Variants in MGMT observed in about 807,000 individuals in gnomAD.
MGMT encodes O-6-methylguanine-DNA methyltransferase.
MGMT carries 14 observed loss-of-function variants against 15.9 expected under a neutral mutation model. That is an observed-to-expected ratio of 0.88 (90% CI 0.58 to 1.37). The LOEUF is 1.37. Ranked by LOEUF, MGMT falls within the 40% of genes most tolerant of loss-of-function variation. MGMT has a pLI of 0.00. For missense variants in MGMT, 282 were observed against 268.1 expected (o/e 1.05, Z -0.36); for synonymous variants, 130 against 118.2 (o/e 1.10, Z -0.65).
intron 1 of MGMT, among the ~76,000 whole-genome samples, chr10:129,492,479 T>C (rs1314894843): frequency 6.6e-6 from 1 of 152,192 alleles, no homozygotes; most frequent in Non-Finnish European, 1.5e-5. Context: ...TGCTTTTCCT[T>C]TTAGGAGCCC....
intron 1 of MGMT, among the ~76,000 whole-genome samples, chr10:129,476,322 T>C (rs187097517): frequency 6.6e-6 from 1 of 152,328 alleles, no homozygotes; most frequent in Non-Finnish European, 1.5e-5. Flanking sequence ...GTCATGGTTC[T>C]CACTTCCTCA....
intron 1 of MGMT, among the ~76,000 whole-genome samples, chr10:129,467,666 C>A (rs1845184896): frequency 6.6e-6 from 1 of 152,240 alleles, no homozygotes; most frequent in Non-Finnish European, 1.5e-5. Flanking sequence ...CCAGAAGCCC[C>A]TGCGCGGGCC....
intron 1 of MGMT, among the ~76,000 whole-genome samples, chr10:129,500,291 T>C (rs1451298348): frequency 2.0e-5 from 3 of 152,184 alleles, no homozygotes; most frequent in Non-Finnish European, 4.4e-5. Context: ...GGGCGGGGGA[T>C]TCACACCAGC....
chr10:129,575,370 A>G (rs1026151414), intron 2 of MGMT, among the ~76,000 whole-genome samples: 23 of 152,220 alleles, frequency 1.5e-4, no homozygotes, highest in African/African-American at 5.5e-4. Flanking sequence ...AGAACTCAGG[A>G]TTAAGAATCT....
intron 2 of MGMT, among the ~76,000 whole-genome samples, chr10:129,661,795 T>C (rs560671307): frequency 6.6e-6 from 1 of 152,360 alleles, no homozygotes; most frequent in South Asian, 2.1e-4. Context: ...AAAAGGACTA[T>C]CTTGACTTAC....
intron 2 of MGMT, among the ~76,000 whole-genome samples, chr10:129,649,489 T>C (rs1589914823): frequency 6.6e-6 from 1 of 152,310 alleles, no homozygotes; most frequent in South Asian, 2.1e-4. Flanking sequence ...GTCAGTGGTA[T>C]TAGGGCGATG....
At chr10:129,667,121 C>T (rs994611726) in intron 2 of MGMT, among the ~76,000 whole-genome samples, 1 of 152,178 alleles carries the variant, frequency 6.6e-6, no homozygotes, top group Non-Finnish European at 1.5e-5. Context: ...AGAGAAGCGC[C>T]TGCAGTGAAT....
At chr10:129,695,093 A>G (rs1048667453) in intron 2 of MGMT, among the ~76,000 whole-genome samples, 11 of 152,210 alleles carry the variant, frequency 7.2e-5, no homozygotes, top group African/African-American at 2.2e-4. Context: ...TTAAAATACA[A>G]TTATATTAAC....
chr10:129,675,331 G>T (rs921553737), intron 2 of MGMT, among the ~76,000 whole-genome samples: 5 of 152,192 alleles, frequency 3.3e-5, no homozygotes, highest in Admixed American at 2.0e-4. Context: ...ATGCAGGCAG[G>T]CCAGTTACTG....
At chr10:129,476,645 C>G (rs959028533) in intron 1 of MGMT, among the ~76,000 whole-genome samples, 1 of 152,122 alleles carries the variant, frequency 6.6e-6, no homozygotes, top group African/African-American at 2.4e-5. Flanking sequence ...TAGGACCCAT[C>G]GCCAGGCTGC....
chr10:129,516,817 G>C (rs948592856), intron 1 of MGMT, among the ~76,000 whole-genome samples: 1 of 152,118 alleles, frequency 6.6e-6, no homozygotes, highest in African/African-American at 2.4e-5. Context: ...TGGAAACTCA[G>C]CCAGGTTTTT....
At chr10:129,579,415 C>T (rs1270130827) in intron 2 of MGMT, among the ~76,000 whole-genome samples, 13 of 152,226 alleles carry the variant, frequency 8.5e-5, no homozygotes, top group Non-Finnish European at 1.9e-4. Flanking sequence ...TCTGCTCATC[C>T]CCGGATCATG....
At chr10:129,612,503 A>C (rs1846972642) in intron 2 of MGMT, among the ~76,000 whole-genome samples, 2 of 152,308 alleles carry the variant, frequency 1.3e-5, no homozygotes, top group South Asian at 4.1e-4. Context: ...ATCATTACCT[A>C]GTTTTATACC....
chr10:129,602,714 A>G lies in MGMT; in HGVS notation c.125+66337A>G, dbSNP rs532638342. Reference sequence around the variant, plus strand: ...TGGGTAATACCTGAGTGCTCCCGGCATTACCTGGGGGCTGCCACCCTCCCT... The same window carrying G: ...TGGGTAATACCTGAGTGCTCCCGGCGTTACCTGGGGGCTGCCACCCTCCCT... On this transcript the variant is annotated intron_variant, in intron 2 of 4. Transcript: ENST00000651593. Among the ~76,000 whole-genome samples the G allele has an allele frequency of 2.0e-5, 3 of 152,244 alleles. No homozygotes were observed. The South Asian group carries it at 6.2e-4, about 32-fold the overall frequency.
At chr10:129,649,042 C>A (rs556857478) in intron 2 of MGMT, among the ~76,000 whole-genome samples, 1 of 152,298 alleles carries the variant, frequency 6.6e-6, no homozygotes, top group Middle Eastern at 3.4e-3. Context: ...TTTCCTGTGG[C>A]TGTGGGATTT....
intron 2 of MGMT, among the ~76,000 whole-genome samples, chr10:129,680,315 A>G (rs1847835635): frequency 6.6e-6 from 1 of 152,184 alleles, no homozygotes; most frequent in Non-Finnish European, 1.5e-5. Context: ...TTTCGCGGGC[A>G]TGATTTTGGG....
chr10:129,505,491 G>A (rs1481884665), intron 1 of MGMT, among the ~76,000 whole-genome samples: 3 of 152,100 alleles, frequency 2.0e-5, no homozygotes, highest in African/African-American at 7.2e-5. Context: ...TGAATTTTAG[G>A]GGTCATTAAA....
At chr10:129,665,832 G>A (rs952634172) in intron 2 of MGMT, among the ~76,000 whole-genome samples, 5 of 152,300 alleles carry the variant, frequency 3.3e-5, no homozygotes, top group Admixed American at 2.6e-4. Context: ...AAGAGACATG[G>A]CGACTGAATA....
chr10:129,567,045 G>A (rs4751102), intron 2 of MGMT, among the ~76,000 whole-genome samples: 2 of 152,120 alleles, frequency 1.3e-5, no homozygotes, highest in African/African-American at 4.8e-5. Context: ...CCCTGAGGCA[G>A]CTCGTGTTTT....
Sources: gnomAD v4.1 joint callset for allele counts (sites outside exome capture counted in the v4.1 genomes callset) on GRCh38, gnomAD v4.1.1 for gene constraint, MANE v1.5 for transcripts, NCBI Gene and HGNC (gene_info 2026-07-23, HGNC 2026-07-21) for gene names.